CSMD1: variants seen among roughly 807,000 people sequenced by gnomAD.
The protein encoded by CSMD1 is CUB and sushi domain-containing protein 1.
Under a neutral mutation model 417.5 loss-of-function variants are expected in CSMD1, and 213 were observed. The ratio of observed to expected loss-of-function variants is 0.51; its 90% confidence interval spans 0.46 to 0.57. The LOEUF is 0.57. Among genes scored for constraint, CSMD1 ranks in the 20% least tolerant of loss-of-function variants. The pLI is 0.00. For missense variants in CSMD1, 6,923 were observed against 4,529.7 expected, an observed-to-expected ratio of 1.53 and a Z score of -15.17; for synonymous variants, 2,862 against 1,736.8, an observed-to-expected ratio of 1.65 and a Z score of -16.11.
chr8:3,942,269 G>A (rs372603584), intron 5 of CSMD1, among the ~76,000 whole-genome samples: 2 of 152,088 alleles, frequency 1.3e-5, no homozygotes, highest in Admixed American at 1.3e-4. Flanking sequence ...CACCATAAAT[G>A]TAATGCGCTT....
intron 3 of CSMD1, among the ~76,000 whole-genome samples, chr8:4,241,075 G>A (rs1163895109): frequency 6.6e-6 from 1 of 152,076 alleles, no homozygotes; most frequent in Non-Finnish European, 1.5e-5. Flanking sequence ...TTTGATCGCT[G>A]AATTACTTAT....
chr8:4,575,642 C>T (rs74999463), intron 2 of CSMD1, among the ~76,000 whole-genome samples: 4,378 of 152,196 alleles, frequency 0.029, 198 homozygotes, highest in African/African-American at 0.099. Context: ...TCCAGTTCCC[C>T]TTGCCTATAC....
chr8:3,192,082 G>A (rs920464317), intron 33 of CSMD1, among the ~76,000 whole-genome samples: 3 of 152,140 alleles, frequency 2.0e-5, no homozygotes, highest in East Asian at 1.9e-4. Context: ...CCATGAAAAC[G>A]GAAATTGGCA....
chr8:4,098,571 G>C (rs543650165), intron 3 of CSMD1, among the ~76,000 whole-genome samples: 1 of 152,040 alleles, frequency 6.6e-6, no homozygotes, highest in Non-Finnish European at 1.5e-5. Context: ...GATTCGGCCT[G>C]AAAGATTGGG....
chr8:3,655,953 T>C (rs1317975510), intron 7 of CSMD1, among the ~76,000 whole-genome samples: 1 of 152,178 alleles, frequency 6.6e-6, no homozygotes, highest in Non-Finnish European at 1.5e-5. Context: ...GAGACTCTGA[T>C]TCCTGTCCCA....
chr8:4,932,989 G>A (rs925354167), intron 1 of CSMD1, among the ~76,000 whole-genome samples: 1 of 152,122 alleles, frequency 6.6e-6, no homozygotes, highest in South Asian at 2.1e-4. Context: ...GATTATAAAA[G>A]AAACTTACAA....
At chr8:3,898,755 T>G (rs1259422484) in intron 5 of CSMD1, among the ~76,000 whole-genome samples, 1 of 152,178 alleles carries the variant, frequency 6.6e-6, no homozygotes, top group Non-Finnish European at 1.5e-5. Context: ...ATTGAACCAC[T>G]GTATATATAT....
intron 57 of CSMD1, among the ~76,000 whole-genome samples, chr8:2,967,672 A>G (rs555215516): frequency 3.4e-4 from 52 of 152,346 alleles, no homozygotes; most frequent in African/African-American, 1.1e-3. Flanking sequence ...ATATATCATG[A>G]GACTGCCTCT....
chr8:3,029,430 C>G lies in CSMD1; in HGVS notation c.7744G>C (p.Ala2582Pro). 1.2e-6 allele frequency: 2 copies of G among 1,610,844 alleles called. No individual in the cohort carries two copies. Among genetic ancestry groups the G allele is most frequent in the Non-Finnish European group, 1.7e-6 (2 of 1,178,834 alleles). Residue 2582 changes from alanine (A) to proline (P), a missense_variant, in exon 51 of 70, where the codon GCT (alanine) becomes CCT (proline). Physicochemically the swap from Ala to Pro is conservative, Grantham distance 27. Transcript: ENST00000635120. ...LVSGSLNEYG[A>P]QVLLSCSPGY... is the part of the protein sequence containing the mutation. Reference sequence around the variant, plus strand: ...GGACTGCAGCTCAGCAATACTTGAGCACCGTACTCATTCAAGGATCCTGAA... The same window carrying G: ...GGACTGCAGCTCAGCAATACTTGAGGACCGTACTCATTCAAGGATCCTGAA...
intron 2 of CSMD1, among the ~76,000 whole-genome samples, chr8:4,605,717 G>C (rs13261038): frequency 0.58 from 88,329 of 151,954 alleles, 26,413 homozygotes; most frequent in African/African-American, 0.75. Flanking sequence ...AAGAATGGTT[G>C]TCTCATATCC....
At chr8:4,793,684 G>T (rs535240783) in intron 1 of CSMD1, among the ~76,000 whole-genome samples, 1 of 152,226 alleles carries the variant, frequency 6.6e-6, no homozygotes, top group South Asian at 2.1e-4. Flanking sequence ...GGAGAAGAAA[G>T]TGTACATGGA....
At chr8:4,026,684 C>A (rs968149587) in intron 4 of CSMD1, among the ~76,000 whole-genome samples, 56 of 152,162 alleles carry the variant, frequency 3.7e-4, no homozygotes, top group Non-Finnish European at 7.1e-4. Context: ...TATAAAATAG[C>A]AATCAGACAA....
chr8:4,943,269 G>A (rs1269139417), intron 1 of CSMD1, among the ~76,000 whole-genome samples: 3 of 152,110 alleles, frequency 2.0e-5, no homozygotes, highest in African/African-American at 7.2e-5. Context: ...GCCCAGGCGG[G>A]CAGATCACGA....
At chr8:4,639,375 G>A (rs555726003) in intron 1 of CSMD1, among the ~76,000 whole-genome samples, 1 of 151,680 alleles carries the variant, frequency 6.6e-6, no homozygotes, top group Non-Finnish European at 1.5e-5. Context: ...CAGATCGTTG[G>A]AAGTGTGCTC....
intron 1 of CSMD1, among the ~76,000 whole-genome samples, chr8:4,944,933 T>C (rs1480742174): frequency 6.6e-6 from 1 of 152,142 alleles, no homozygotes; most frequent in Non-Finnish European, 1.5e-5. Flanking sequence ...CATCAGGGTC[T>C]CACAGAGATA....
At chr8:3,037,456 C>A (rs1253673609) in intron 50 of CSMD1, among the ~76,000 whole-genome samples, 1 of 152,092 alleles carries the variant, frequency 6.6e-6, no homozygotes, top group African/African-American at 2.4e-5. Context: ...GATCCGCCCG[C>A]CTCGGCCTCC....
intron 49 of CSMD1, among the ~76,000 whole-genome samples, chr8:3,064,558 A>C (rs369154344): frequency 6.6e-6 from 1 of 152,318 alleles, no homozygotes; most frequent in African/African-American, 2.4e-5. Context: ...GTAGTGTGAG[A>C]ATGGATTAAT....
intron 10 of CSMD1, among the ~76,000 whole-genome samples, chr8:3,528,753 C>G (rs1310057606): frequency 6.6e-6 from 1 of 152,156 alleles, no homozygotes; most frequent in Non-Finnish European, 1.5e-5. Context: ...ATTGCTGAGA[C>G]TATTAATTTC....
rs184027949 is a variant in CSMD1, at chr8:4,090,387, C to G, written c.416-58288G>C. Among the ~76,000 whole-genome samples the G allele has an allele frequency of 1.6e-4, 24 of 152,264 alleles. No individual in the cohort carries two copies. In the East Asian group the frequency reaches 4.4e-3, roughly 28 times the overall value. On this transcript the variant is annotated intron_variant, in intron 3 of 69. Coordinates refer to ENST00000635120, the MANE Select transcript of CSMD1 (RefSeq NM_033225.6). ...AAATTACAAAGTGTCAGATTTTCCA[C>G]TCTTACTCCTTTTTAATTAACACCC...
Sources: gnomAD v4.1 joint callset for allele counts (sites outside exome capture counted in the v4.1 genomes callset) on GRCh38, gnomAD v4.1.1 for gene constraint, MANE v1.5 for transcripts, NCBI Gene and HGNC (gene_info 2026-07-23, HGNC 2026-07-21) for gene names.